EPB41L5: variants seen among roughly 807,000 people sequenced by gnomAD.
The protein encoded by EPB41L5 is erythrocyte membrane protein band 4.1 like 5.
Under a neutral mutation model 106.6 loss-of-function variants are expected in EPB41L5, and 55 were observed. The ratio of observed to expected loss-of-function variants is 0.52; its 90% confidence interval spans 0.42 to 0.65. EPB41L5 has a LOEUF of 0.65. Among genes scored for constraint, EPB41L5 ranks in the 30% least tolerant of loss-of-function variants. EPB41L5 has a pLI of 0.00. For missense variants in EPB41L5, 871 were observed against 882.1 expected, an observed-to-expected ratio of 0.99 and a Z score of 0.16; for synonymous variants, 297 against 306.7, an observed-to-expected ratio of 0.97 and a Z score of 0.33.
intron 3 of EPB41L5, among the ~76,000 whole-genome samples, chr2:120,066,547 T>C (rs780957854): frequency 9.3e-4 from 142 of 152,236 alleles, no homozygotes; most frequent in Non-Finnish European, 3.2e-4. Flanking sequence ...TGTCCTAATT[T>C]TCTTTGATGA....
At chr2:120,097,930 A>G (rs981443552) in intron 14 of EPB41L5, among the ~76,000 whole-genome samples, 3 of 152,184 alleles carry the variant, frequency 2.0e-5, no homozygotes, top group African/African-American at 7.2e-5. Context: ...CTTATTGATC[A>G]CCTACTAAAG....
At chr2:120,123,144 A>G (rs1168838268) in intron 16 of EPB41L5, among the ~76,000 whole-genome samples, 5 of 151,748 alleles carry the variant, frequency 3.3e-5, no homozygotes, top group African/African-American at 1.2e-4. Flanking sequence ...TTGCAGACAA[A>G]GTTTTGTTTT....
intron 13 of EPB41L5, among the ~76,000 whole-genome samples, chr2:120,092,544 A>G (rs1474332612): frequency 6.6e-6 from 1 of 152,166 alleles, no homozygotes; most frequent in African/African-American, 2.4e-5. Flanking sequence ...TTTAAACTGA[A>G]TTTGCATTAA....
chr2:120,137,333 C>G (rs1025639768), intron 18 of EPB41L5, among the ~76,000 whole-genome samples: 1 of 151,430 alleles, frequency 6.6e-6, no homozygotes, highest in African/African-American at 2.4e-5. Flanking sequence ...AAACTAAACC[C>G]AAAATTAGTA....
intron 3 of EPB41L5, among the ~76,000 whole-genome samples, chr2:120,070,005 A>T (rs1189303655): frequency 1.3e-5 from 2 of 152,212 alleles, no homozygotes; most frequent in Non-Finnish European, 2.9e-5. Context: ...ACCCTTCAAA[A>T]AATCAATGAA....
At chr2:120,073,964 A>G (rs1329518422) in intron 4 of EPB41L5, 136 bp from the exon 5 acceptor site, 1 of 626,820 alleles carries the variant, frequency 1.6e-6, no homozygotes, top group East Asian at 2.8e-5. Context: ...ATTGAAGCCT[A>G]TGATCTAACC....
chr2:120,015,712 G>A (rs1677469077), intron 1 of EPB41L5, among the ~76,000 whole-genome samples: 2 of 152,090 alleles, frequency 1.3e-5, no homozygotes, highest in African/African-American at 4.8e-5. Context: ...GCTGAGGTGG[G>A]AGGAATCCGA....
At position 120,104,983 on chromosome 2, in the gene EPB41L5, A is replaced by G. The variant is rs1197035861; in HGVS notation, c.1337+4169A>G. 9 of 984,564 alleles carry G rather than the reference A, an allele frequency of 9.1e-6. No homozygotes were observed. In the East Asian group the frequency reaches 5.7e-4, roughly 62 times the overall value. 61.0% of individuals were successfully genotyped at this position (984,564 alleles called of 1,614,324 possible). On this transcript the variant is annotated intron_variant, in intron 16 of 24. Coordinates refer to ENST00000263713, the MANE Select transcript of EPB41L5 (RefSeq NM_020909.4). ...TGAATGGTTCTATAAAATGAAAAAC[A>G]TATTTACTTTGTCTTTTCATTTGAC...
At chr2:120,078,676 T>C in intron 10 of EPB41L5, 95 bp downstream of exon 10, 1 of 801,412 alleles carries the variant, frequency 1.2e-6, no homozygotes, top group Non-Finnish European at 2.0e-6. Context: ...AATCAAATAG[T>C]TTTGAAAAAC....
At chr2:120,140,464 A>C (rs1458473047) in intron 18 of EPB41L5, among the ~76,000 whole-genome samples, 1 of 151,994 alleles carries the variant, frequency 6.6e-6, no homozygotes, top group East Asian at 1.9e-4. Context: ...ATTTTTTAAG[A>C]AAAGAAGGAA....
intron 16 of EPB41L5, among the ~76,000 whole-genome samples, chr2:120,112,438 A>G (rs780584226): frequency 6.6e-6 from 1 of 152,240 alleles, no homozygotes; most frequent in Non-Finnish European, 1.5e-5. Flanking sequence ...TGATGCAGAA[A>G]TAGTCAAAAT....
At chr2:120,088,691 C>T (rs1005038164) in intron 11 of EPB41L5, among the ~76,000 whole-genome samples, 21 of 151,794 alleles carry the variant, frequency 1.4e-4, no homozygotes, top group African/African-American at 3.9e-4. Context: ...GTATTTAATA[C>T]GAGTTTATAC....
At chr2:120,058,881 A>G (rs1332972552) in intron 3 of EPB41L5, among the ~76,000 whole-genome samples, 1 of 152,240 alleles carries the variant, frequency 6.6e-6, no homozygotes, top group Non-Finnish European at 1.5e-5. Context: ...AGTTCTCCCC[A>G]AATTGATATA....
At chr2:120,161,933 T>C (rs1348583238) in intron 21 of EPB41L5, among the ~76,000 whole-genome samples, 1 of 152,174 alleles carries the variant, frequency 6.6e-6, no homozygotes, top group Non-Finnish European at 1.5e-5. Context: ...TTGGAAAAAT[T>C]GTCTTCCACA....
At chr2:120,027,002 A>G (rs1678365875) in intron 2 of EPB41L5, among the ~76,000 whole-genome samples, 1 of 152,234 alleles carries the variant, frequency 6.6e-6, no homozygotes, top group Non-Finnish European at 1.5e-5. Flanking sequence ...ATAAAACCAC[A>G]GTGAGATACA....
At chr2:120,163,258 G>GCC (rs372952438) in intron 21 of EPB41L5, among the ~76,000 whole-genome samples, 58 of 87,510 alleles carry the variant, frequency 6.6e-4, no homozygotes, top group Non-Finnish European at 8.2e-4. Flanking sequence ...GTGTCCCTCT[G>GCC]CCCCCCCCCC....
chr2:120,135,189 A>G (rs1685870824), intron 18 of EPB41L5, among the ~76,000 whole-genome samples: 1 of 152,152 alleles, frequency 6.6e-6, no homozygotes, highest in Admixed American at 6.5e-5. Flanking sequence ...GAGTCTTTCA[A>G]CCACAGAATT....
At chr2:120,132,535 G>A (rs1052900928) in intron 18 of EPB41L5, among the ~76,000 whole-genome samples, 2 of 152,062 alleles carry the variant, frequency 1.3e-5, no homozygotes, top group Non-Finnish European at 2.9e-5. Context: ...TCTCGCACTC[G>A]CACTGTTATG....
intron 20 of EPB41L5, among the ~76,000 whole-genome samples, chr2:120,148,830 A>AT (rs1224548669): frequency 2.6e-5 from 4 of 151,788 alleles, no homozygotes; most frequent in Admixed American, 2.0e-4. Flanking sequence ...TTGCATACAA[A>AT]TTTTTTTTTG....
Sources: gnomAD v4.1 joint callset for allele counts (sites outside exome capture counted in the v4.1 genomes callset) on GRCh38, gnomAD v4.1.1 for gene constraint, MANE v1.5 for transcripts, NCBI Gene and HGNC (gene_info 2026-07-23, HGNC 2026-07-21) for gene names.